DENND6A: variants seen among roughly 807,000 people sequenced by gnomAD.
DENND6A encodes the protein DENN domain containing 6A, also known as protein DENND6A.
In DENND6A, 43 loss-of-function variants were observed where a neutral mutation model predicts 95.5. That is an observed-to-expected ratio of 0.45 (90% CI 0.35 to 0.58). The LOEUF is 0.58. Ranked by LOEUF, DENND6A falls within the 20% of genes least tolerant of loss-of-function variation. DENND6A has a pLI of 0.00. For missense variants in DENND6A, 574 were observed against 736.0 expected, an observed-to-expected ratio of 0.78 and a Z score of 2.55; for synonymous variants, 257 against 260.4, an observed-to-expected ratio of 0.99 and a Z score of 0.13.
intron 15 of DENND6A, among the ~76,000 whole-genome samples, chr3:57,632,021 C>CTTTTT (rs771800755): frequency 1.0e-5 from 1 of 96,024 alleles, no homozygotes; most frequent in Non-Finnish European, 2.1e-5. Flanking sequence ...CGCGCCCGGC[C>CTTTTT]TTTTTTTTTT....
chr3:57,655,626 AT>A (rs1559817514), intron 9 of DENND6A, among the ~76,000 whole-genome samples: 1 of 152,160 alleles, frequency 6.6e-6, no homozygotes, highest in Admixed American at 6.5e-5. Flanking sequence ...CATTAAAAAT[AT>A]TTTTTTAAAT....
At chr3:57,674,819 T>C (rs1305897854) in intron 1 of DENND6A, among the ~76,000 whole-genome samples, 1 of 152,226 alleles carries the variant, frequency 6.6e-6, no homozygotes, top group East Asian at 1.9e-4. Flanking sequence ...ATGTCTTTTA[T>C]GGGAACACGG....
chr3:57,664,942 G>A (rs1042651501), intron 4 of DENND6A, among the ~76,000 whole-genome samples: 1 of 152,206 alleles, frequency 6.6e-6, no homozygotes, highest in Non-Finnish European at 1.5e-5. Flanking sequence ...TTTCATGGAG[G>A]CAGCTGTTTT....
chr3:57,632,545 A>T (rs1302426403), intron 15 of DENND6A, among the ~76,000 whole-genome samples: 1 of 152,180 alleles, frequency 6.6e-6, no homozygotes, highest in African/African-American at 2.4e-5. Flanking sequence ...GGAATAAATA[A>T]CTTGACACCC....
chr3:57,628,008 A>C lies in DENND6A; in HGVS notation c.*206T>G. 1 of 589,418 alleles carries C rather than the reference A, an allele frequency of 1.7e-6. No homozygotes were observed. The highest frequency in any genetic ancestry group is 2.7e-6 in the Non-Finnish European group (1 of 372,036). 36.5% of individuals were successfully genotyped at this position (589,418 alleles called of 1,614,324 possible). On this transcript the variant is annotated 3_prime_UTR_variant, in exon 20 of 20. Coordinates refer to ENST00000311128, the MANE Select transcript of DENND6A (RefSeq NM_152678.3). ...AAATGCCTTTCGGTGTTTCAGTATT[A>C]AAGTGGAACCACCACAGATATCCAC...
chr3:57,632,972 T>C (rs1367837188), intron 15 of DENND6A, among the ~76,000 whole-genome samples: 4 of 152,182 alleles, frequency 2.6e-5, no homozygotes, highest in Non-Finnish European at 4.4e-5. Context: ...TCATATAAAG[T>C]ATATCATTTA....
chr3:57,649,454 T>C (rs1383542927), intron 9 of DENND6A, among the ~76,000 whole-genome samples: 3 of 150,922 alleles, frequency 2.0e-5, no homozygotes, highest in Non-Finnish European at 4.4e-5. Flanking sequence ...AGAGATTCCT[T>C]AAAGAACTAA....
At chr3:57,669,811 C>T (rs6774049) in intron 3 of DENND6A, among the ~76,000 whole-genome samples, 56,375 of 151,370 alleles carry the variant, frequency 0.37, 12,228 homozygotes, top group South Asian at 0.56. Context: ...CACTTGAGGT[C>T]GGGAGTTCAT....
At chr3:57,633,899 A>G (rs1045582737) in intron 14 of DENND6A, among the ~76,000 whole-genome samples, 2 of 152,106 alleles carry the variant, frequency 1.3e-5, no homozygotes, top group African/African-American at 4.8e-5. Context: ...CTCAAAAAAA[A>G]AAAAGTGAGT....
rs142938950 is a variant in DENND6A, at chr3:57,661,386, T to G, written c.619+60A>C. Reference sequence around the variant, plus strand: ...AATTGTTATAAATCAACTTCATTTTTATCACTTATTTCCAGTAAAAATTTT... The same window carrying G: ...AATTGTTATAAATCAACTTCATTTTGATCACTTATTTCCAGTAAAAATTTT... On this transcript the variant is annotated intron_variant, in intron 6 of 19. Coordinates refer to ENST00000311128, the MANE Select transcript of DENND6A (RefSeq NM_152678.3). The G allele has an allele frequency of 8.2e-4, 1,010 of 1,234,192 alleles. 9 individuals carry two copies. In the African/African-American group the frequency reaches 0.015, roughly 18 times the overall value. 76.5% of individuals were successfully genotyped at this position (1,234,192 alleles called of 1,614,324 possible).
intron 19 of DENND6A, 96 bp from the exon 20 acceptor site, chr3:57,628,441 T>A (rs929948836): frequency 6.9e-6 from 10 of 1,450,302 alleles, no homozygotes; most frequent in Non-Finnish European, 9.1e-6. Context: ...GTCTAACAAT[T>A]AGATACTTTC....
At chr3:57,629,124 A>T (rs1342121668) in intron 18 of DENND6A, among the ~76,000 whole-genome samples, 1 of 152,228 alleles carries the variant, frequency 6.6e-6, no homozygotes, top group African/African-American at 2.4e-5. Flanking sequence ...AAATGTACTG[A>T]GGTGGCTTTT....
At chr3:57,653,165 T>TAAAA (rs2071245818) in intron 9 of DENND6A, among the ~76,000 whole-genome samples, 2 of 152,182 alleles carry the variant, frequency 1.3e-5, no homozygotes, top group Admixed American at 6.5e-5. Context: ...TCTGTTGGTT[T>TAAAA]GTAAAAATAA....
intron 19 of DENND6A, 66 bp from the exon 20 acceptor site, chr3:57,628,411 C>A: frequency 4.6e-6 from 7 of 1,534,622 alleles, no homozygotes; most frequent in Non-Finnish European, 5.3e-6. Flanking sequence ...ATTACATTCT[C>A]TAAATAAACC....
chr3:57,671,054 C>A (rs1399724251), intron 3 of DENND6A, among the ~76,000 whole-genome samples: 1 of 152,122 alleles, frequency 6.6e-6, no homozygotes, highest in Non-Finnish European at 1.5e-5. Context: ...CTCTAAAAGG[C>A]AGTATCTAAT....
chr3:57,627,333 G>A lies in DENND6A; in HGVS notation c.*881C>T, dbSNP rs1442314062. 3 of 151,972 alleles carry A rather than the reference G, an allele frequency of 2.0e-5. No homozygotes were observed. Among genetic ancestry groups the A allele is most frequent in the South Asian group, 4.2e-4 (2 of 4,814 alleles). 9.4% of individuals were successfully genotyped at this position (151,972 alleles called of 1,614,324 possible). A position where few individuals can be genotyped will look rare whatever the true frequency, so the allele number is the denominator to read the frequency against. ...TAATTTTTGTATTTTTACTAGAGAC[G>A]GGGTTTCACCATGTTGGCCAGGCTG... On this transcript the variant is annotated 3_prime_UTR_variant, in exon 20 of 20. Coordinates refer to ENST00000311128, the MANE Select transcript of DENND6A (RefSeq NM_152678.3).
Position 57,632,986 on chromosome 3 carries a change from T to C in DENND6A, c.1353+279A>G, listed in dbSNP as rs551779912. Among the ~76,000 whole-genome samples, 9 of 152,306 alleles carry C rather than the reference T, an allele frequency of 5.9e-5. No individual in the cohort carries two copies. In the South Asian group the frequency reaches 1.7e-3, roughly 28 times the overall value. On this transcript the variant is annotated intron_variant, in intron 15 of 19. Coordinates refer to ENST00000311128, the MANE Select transcript of DENND6A (RefSeq NM_152678.3). ...TTCATATAAAGTATATCATTTAAGA[T>C]TCACAACAGTCTTGAAAAGGTACTT...
Position 57,653,871 on chromosome 3 carries a change from C to T in DENND6A, c.818+3809G>A, listed in dbSNP as rs146814477. Among the ~76,000 whole-genome samples, 587 of 147,134 alleles carry T rather than the reference C, an allele frequency of 4.0e-3. 6 individuals are homozygous for T. The highest frequency in any genetic ancestry group is 0.014 in the African/African-American group (568 of 39,846). ...TACCACATTTATATTCCCATTCTGGCGTATCATGCCTTTATGCTAAGCTCC... is the reference window on the plus strand; with the variant it reads ...TACCACATTTATATTCCCATTCTGGTGTATCATGCCTTTATGCTAAGCTCC... On this transcript the variant is annotated intron_variant, in intron 9 of 19. Coordinates refer to ENST00000311128, the MANE Select transcript of DENND6A (RefSeq NM_152678.3).
intron 9 of DENND6A, 22 bp downstream of exon 9, chr3:57,657,658 A>T: frequency 6.8e-7 from 1 of 1,464,532 alleles, no homozygotes; most frequent in Non-Finnish European, 9.4e-7. Context: ...GAAGTCAGTT[A>T]ATAAAATTTT....
Sources: allele counts gnomAD v4.1 joint callset (sites outside exome capture counted in the v4.1 genomes callset), GRCh38; gene constraint gnomAD v4.1.1; transcripts MANE v1.5; gene names NCBI Gene and HGNC (gene_info 2026-07-23, HGNC 2026-07-21).